The following COPG2 variants were observed in gnomAD, a reference collection of about 807,000 sequenced individuals.
COPG2 encodes coatomer subunit gamma-2.
COPG2 carries 37 observed loss-of-function variants against 46.3 expected under a neutral mutation model. That is an observed-to-expected ratio of 0.80 (90% confidence interval 0.61 to 1.05). The LOEUF (loss-of-function observed/expected upper bound fraction) is 1.05, where lower values mean the gene tolerates loss of function less well. Ranked by LOEUF, COPG2 falls within the 50% of genes least tolerant of loss-of-function variation. The pLI, the probability that COPG2 is intolerant of heterozygous loss-of-function variation, is 0.00. For missense variants in COPG2, 427 were observed against 387.8 expected, an observed-to-expected ratio of 1.10 and a Z score of -0.85; for synonymous variants, 159 against 129.7, an observed-to-expected ratio of 1.23 and a Z score of -1.53.
chr7:130,574,159 G>A (rs553986369), intron 9 of COPG2, among the ~76,000 whole-genome samples: 15 of 152,248 alleles, frequency 9.9e-5, no homozygotes, highest in Middle Eastern at 3.4e-3. Context: ...ACAAAATTTG[G>A]TCTAGCCGTA....
At chr7:130,612,339 A>C in intron 7 of COPG2, 101 bp from the exon 8 acceptor site, 2 of 730,056 alleles carry the variant, frequency 2.7e-6, no homozygotes, top group Non-Finnish European at 4.3e-6. Flanking sequence ...ATTTCCCAAG[A>C]GGAAGAAAAC....
chr7:130,538,192 A>G (rs1007043817), intron 20 of COPG2, among the ~76,000 whole-genome samples: 1 of 152,132 alleles, frequency 6.6e-6, no homozygotes, highest in Non-Finnish European at 1.5e-5. Context: ...GAGGAGGTGG[A>G]GCATGTCTGG....
At chr7:130,550,387 T>G in intron 17 of COPG2, 137 bp downstream of exon 17, 1 of 255,552 alleles carries the variant, frequency 3.9e-6, no homozygotes, top group Non-Finnish European at 6.5e-6. Context: ...CTCCAGCCTG[T>G]GCGACGGGAG....
chr7:130,661,620 CTAG>C (rs1554460771), intron 4 of COPG2, among the ~76,000 whole-genome samples: 1 of 152,190 alleles, frequency 6.6e-6, no homozygotes, highest in East Asian at 1.9e-4. Flanking sequence ...AAAGGGGCTA[CTAG>C]TAGTCCACAG....
At chr7:130,628,484 T>C (rs1226314104) in intron 5 of COPG2, among the ~76,000 whole-genome samples, 2 of 152,202 alleles carry the variant, frequency 1.3e-5, no homozygotes, top group African/African-American at 2.4e-5. Flanking sequence ...TTCCTTCTAT[T>C]CTTTGTGCAA....
intron 14 of COPG2, 62 bp downstream of exon 14, chr7:130,554,419 T>A (rs1793585085): frequency 2.5e-6 from 1 of 397,808 alleles, no homozygotes; most frequent in Non-Finnish European, 4.4e-6. Context: ...CCAATTTCAT[T>A]ATCACTCTCT....
intron 9 of COPG2, among the ~76,000 whole-genome samples, chr7:130,593,547 G>A (rs1174955137): frequency 6.6e-6 from 1 of 152,198 alleles, no homozygotes. Context: ...ATTATAATAA[G>A]GTGGAGTGTT....
chr7:130,609,734 T>C (rs1396125324), intron 9 of COPG2, among the ~76,000 whole-genome samples: 2 of 152,214 alleles, frequency 1.3e-5, no homozygotes, highest in Non-Finnish European at 2.9e-5. Flanking sequence ...ACAATTTCTA[T>C]TGACTTGTCT....
intron 10 of COPG2, among the ~76,000 whole-genome samples, 178 bp from the exon 11 acceptor site, chr7:130,563,514 G>C (rs1351615736): frequency 1.3e-5 from 2 of 151,726 alleles, no homozygotes; most frequent in Non-Finnish European, 2.9e-5. Flanking sequence ...ATACCATATA[G>C]CTGAAAATAT....
At chr7:130,632,743 A>G (rs1388293467) in intron 5 of COPG2, among the ~76,000 whole-genome samples, 2 of 151,572 alleles carry the variant, frequency 1.3e-5, no homozygotes, top group African/African-American at 4.8e-5. Context: ...TGAACCAATG[A>G]TTTTTTTTAT....
intron 20 of COPG2, among the ~76,000 whole-genome samples, chr7:130,514,783 T>C (rs1799665459): frequency 1.3e-5 from 2 of 152,128 alleles, no homozygotes; most frequent in Admixed American, 6.5e-5. Flanking sequence ...AAGGGGAGCA[T>C]TAAATAAACT....
intron 9 of COPG2, among the ~76,000 whole-genome samples, chr7:130,601,888 A>G (rs539179513): frequency 1.6e-5 from 2 of 124,306 alleles, no homozygotes; most frequent in South Asian, 2.8e-4. Flanking sequence ...GGAAGCAAAG[A>G]AGGAAGGAAG....
chr7:130,575,135 G>A (rs781992210), intron 9 of COPG2, among the ~76,000 whole-genome samples: 1 of 152,158 alleles, frequency 6.6e-6, no homozygotes, highest in Non-Finnish European at 1.5e-5. Context: ...GTATTTGGGG[G>A]AATAACTAAG....
At chr7:130,632,895 G>GC (rs1194677478) in intron 5 of COPG2, among the ~76,000 whole-genome samples, 1 of 151,890 alleles carries the variant, frequency 6.6e-6, no homozygotes, top group East Asian at 1.9e-4. Context: ...CCCTCCTCTA[G>GC]CCCCCCACCC....
chr7:130,604,180 T>C lies in COPG2; in HGVS notation c.737+6773A>G, dbSNP rs1021335754. Among the ~76,000 whole-genome samples, 3 of 152,166 alleles carry C rather than the reference T, an allele frequency of 2.0e-5. No individual in the cohort carries two copies. The East Asian group carries it at 5.8e-4, about 29-fold the overall frequency. On this transcript the variant is annotated intron_variant, in intron 9 of 23. Transcript: ENST00000425248. ...AGTGGACCCATGCAGTTCAAACCCA[T>C]GTTGTTCAAGGATCAACTGTATGTC...
chr7:130,528,983 G>A (rs1311568372), intron 20 of COPG2, among the ~76,000 whole-genome samples: 1 of 152,124 alleles, frequency 6.6e-6, no homozygotes, highest in Non-Finnish European at 1.5e-5. Context: ...TAGACAAGGA[G>A]GATGTAGAAG....
chr7:130,561,331 GTAATTGCT>G (rs1793715506), intron 11 of COPG2, 110 bp from the exon 12 acceptor site: 4 of 396,830 alleles, frequency 1.0e-5, no homozygotes, highest in Non-Finnish European at 1.8e-5. Flanking sequence ...TAAGTTAAAA[GTAATTGCT>G]TCAAAAACAA....
At chr7:130,608,111 T>C in intron 9 of COPG2, 1 of 370,964 alleles carries the variant, frequency 2.7e-6, no homozygotes, top group Non-Finnish European at 5.2e-6. Context: ...TTAAGATCTA[T>C]ATGTTTTACA....
At chr7:130,632,055 T>A (rs782077940) in intron 5 of COPG2, among the ~76,000 whole-genome samples, 9 of 152,226 alleles carry the variant, frequency 5.9e-5, no homozygotes, top group East Asian at 1.9e-4. Context: ...TTAAGTACTA[T>A]CCATATGTTG....
Sources: gnomAD v4.1 joint callset for allele counts (sites outside exome capture counted in the v4.1 genomes callset) on GRCh38, gnomAD v4.1.1 for gene constraint, MANE v1.5 for transcripts, NCBI Gene and HGNC (gene_info 2026-07-23, HGNC 2026-07-21) for gene names.